NIPSNAP2: variants seen among roughly 807,000 people sequenced by gnomAD.
NIPSNAP2 encodes protein NipSnap homolog 2.
NIPSNAP2 carries 42 observed loss-of-function variants against 48.4 expected under a neutral mutation model. The observed-to-expected ratio is 0.87, with a 90% confidence interval of 0.68 to 1.12. NIPSNAP2 has a LOEUF of 1.12. Among genes scored for constraint, NIPSNAP2 ranks in the 50% most tolerant of loss-of-function variants. NIPSNAP2 has a pLI of 0.00. For missense variants in NIPSNAP2, 314 were observed against 347.3 expected, an observed-to-expected ratio of 0.90 and a Z score of 0.76; for synonymous variants, 158 against 126.6, an observed-to-expected ratio of 1.25 and a Z score of -1.67.
chr7:55,964,767 T>A, intron 1 of NIPSNAP2, 66 bp downstream of exon 1: 1 of 848,080 alleles, frequency 1.2e-6, no homozygotes, highest in Non-Finnish European at 1.5e-6. Context: ...GGGCGCGGGT[T>A]TCCCGGCGCC....
Position 55,968,043 on chromosome 7 carries a change from G to A in NIPSNAP2, c.92+3342G>A, listed in dbSNP as rs1028946172. 2.6e-5 allele frequency among the ~76,000 whole-genome samples: 4 copies of A among 152,070 alleles called. 1 individual carries two copies. Among genetic ancestry groups the A allele is most frequent in the African/African-American group, 9.6e-5 (4 of 41,498 alleles). ...GCCTCAAGCAGTCCTCCCACCCTCCGCCTCCCAAAGTTCTAGGATTATAGG... is the reference window on the plus strand; with the variant it reads ...GCCTCAAGCAGTCCTCCCACCCTCCACCTCCCAAAGTTCTAGGATTATAGG... On this transcript the variant is annotated intron_variant, in intron 1 of 9. Transcript: ENST00000322090.
At chr7:55,967,794 C>T (rs1156796670) in intron 1 of NIPSNAP2, among the ~76,000 whole-genome samples, 8 of 151,912 alleles carry the variant, frequency 5.3e-5, no homozygotes, top group South Asian at 2.1e-4. Flanking sequence ...GACTTACAGG[C>T]GTGCACCACC....
chr7:55,971,133 G>A (rs1354699310), intron 1 of NIPSNAP2, among the ~76,000 whole-genome samples: 1 of 152,168 alleles, frequency 6.6e-6, no homozygotes, highest in African/African-American at 2.4e-5. Flanking sequence ...GTCACTGTCA[G>A]TTAAGAACCC....
chr7:55,970,057 G>A (rs931410248), intron 1 of NIPSNAP2, among the ~76,000 whole-genome samples: 5 of 151,022 alleles, frequency 3.3e-5, no homozygotes, highest in African/African-American at 1.2e-4. Flanking sequence ...TGGTCTCAGC[G>A]TTAAGTCCTT....
intron 1 of NIPSNAP2, among the ~76,000 whole-genome samples, chr7:55,967,513 C>T (rs1786919948): frequency 6.6e-6 from 1 of 152,068 alleles, no homozygotes; most frequent in South Asian, 2.1e-4. Context: ...GTTGCCCAGG[C>T]TGGAGTTTAA....
intron 7 of NIPSNAP2, among the ~76,000 whole-genome samples, chr7:55,986,070 A>G (rs920678760): frequency 1.3e-5 from 2 of 151,806 alleles, no homozygotes; most frequent in African/African-American, 4.8e-5. Flanking sequence ...TAAAAATAAA[A>G]ATAAAGACTG....
intron 7 of NIPSNAP2, among the ~76,000 whole-genome samples, chr7:55,987,010 A>C (rs967224866): frequency 6.7e-6 from 1 of 148,534 alleles, no homozygotes; most frequent in Non-Finnish European, 1.5e-5. Context: ...AAAAAAAAAA[A>C]CTTGCCAGGC....
intron 7 of NIPSNAP2, among the ~76,000 whole-genome samples, chr7:55,993,304 A>G (rs928689065): frequency 6.6e-6 from 1 of 151,682 alleles, no homozygotes; most frequent in African/African-American, 2.4e-5. Context: ...AAAAAAAAAA[A>G]AGGGCTGTAG....
intron 9 of NIPSNAP2, among the ~76,000 whole-genome samples, chr7:55,998,499 T>G (rs928149580): frequency 4.8e-5 from 6 of 126,124 alleles, no homozygotes; most frequent in Admixed American, 8.2e-5. Flanking sequence ...ATCTGTTTTT[T>G]TTTTTTTTTT....
intron 1 of NIPSNAP2, among the ~76,000 whole-genome samples, chr7:55,966,046 C>T (rs573120769): frequency 6.6e-6 from 1 of 152,244 alleles, no homozygotes; most frequent in South Asian, 2.1e-4. Context: ...TGAGAGACAT[C>T]AGTGAATAAG....
chr7:55,971,832 A>G (rs1428102145), intron 1 of NIPSNAP2, among the ~76,000 whole-genome samples: 2 of 152,176 alleles, frequency 1.3e-5, no homozygotes, highest in African/African-American at 4.8e-5. Flanking sequence ...TAAAACTATT[A>G]GTAGTCATTG....
intron 1 of NIPSNAP2, among the ~76,000 whole-genome samples, chr7:55,970,109 C>T (rs1786989098): frequency 6.6e-6 from 1 of 151,956 alleles, no homozygotes; most frequent in Non-Finnish European, 1.5e-5. Flanking sequence ...TCAGCACTCA[C>T]AAGCTTCTTC....
chr7:55,978,252 A>T lies in NIPSNAP2; in HGVS notation c.219A>T (p.Leu73=). ...NLLAKKETSN[L]YKLQFHNVKP... ...TAGCCAAAAAGGAAACAAGCAATCT[A>T]TACAAATTACAGTGTGAGTGACAGG... The change falls in exon 2 of 10, where the codon CTA becomes CTT. Residue 73 remains leucine, a synonymous_variant. Coordinates refer to ENST00000322090, the MANE Select transcript of NIPSNAP2 (RefSeq NM_001483.3). 1 of 1,614,188 alleles carries T rather than the reference A, an allele frequency of 6.2e-7. No homozygotes were observed.
At position 55,981,543 on chromosome 7, in the gene NIPSNAP2, T is replaced by A; in HGVS notation, c.349T>A (p.Trp117Arg). ...PCTLVGTWNT[W>R]YGEQDQAVHL... is the part of the protein sequence containing the mutation. ...TACTTTGGTGGGGACTTGGAACACG[T>A]GGTATGGCGAGCAGGACCAAGCTGG... Residue 117 changes from tryptophan (W) to arginine (R), a missense_variant, in exon 4 of 10, where the codon TGG becomes AGG. Physicochemically the swap from Trp to Arg is moderately radical, Grantham distance 101 (BLOSUM62 -3). Transcript: ENST00000322090. The A allele has an allele frequency of 6.2e-7, 1 of 1,613,976 alleles. No homozygotes were observed. Among genetic ancestry groups the A allele is most frequent in the Non-Finnish European group, 8.5e-7 (1 of 1,179,886 alleles).
Position 55,984,831 on chromosome 7 carries a change from C to G in NIPSNAP2, c.586-16C>G. On this transcript the variant is annotated splice_polypyrimidine_tract_variant and intron_variant, in intron 6 of 9. Transcript: ENST00000322090. ...TCACAGAAGAACTAACAAACCAAAT[C>G]TAAATCTGTTTTCAGCCAGGAACCA... 2 of 1,597,456 alleles carry G rather than the reference C, an allele frequency of 1.3e-6. No individual in the cohort carries two copies. The highest frequency in any genetic ancestry group is 1.7e-6 in the Non-Finnish European group (2 of 1,170,990).
intron 1 of NIPSNAP2, among the ~76,000 whole-genome samples, chr7:55,970,912 C>G (rs1787004371): frequency 6.6e-6 from 1 of 152,142 alleles, no homozygotes; most frequent in Non-Finnish European, 1.5e-5. Context: ...CACTTGAGCT[C>G]TTGCAGTGTA....
chr7:55,977,590 C>A (rs1787129284), intron 1 of NIPSNAP2, among the ~76,000 whole-genome samples: 1 of 152,146 alleles, frequency 6.6e-6, no homozygotes, highest in Non-Finnish European at 1.5e-5. Context: ...ATCATCACCA[C>A]TATCTGTTTC....
chr7:55,966,746 C>A (rs898572332), intron 1 of NIPSNAP2, among the ~76,000 whole-genome samples: 3 of 152,152 alleles, frequency 2.0e-5, no homozygotes, highest in African/African-American at 7.2e-5. Flanking sequence ...CATGCCACTG[C>A]GTTCCAGCCT....
intron 3 of NIPSNAP2, 51 bp from the exon 4 acceptor site, chr7:55,981,413 TGTCCACCTG>T: frequency 1.7e-6 from 2 of 1,165,866 alleles, no homozygotes; most frequent in Non-Finnish European, 2.6e-6. Context: ...GATCAGGTGC[TGTCCACCTG>T]GTCAAATTTT....
Sources: gnomAD v4.1 joint callset for allele counts (sites outside exome capture counted in the v4.1 genomes callset) on GRCh38, gnomAD v4.1.1 for gene constraint, MANE v1.5 for transcripts, NCBI Gene and HGNC (gene_info 2026-07-23, HGNC 2026-07-21) for gene names.